Variants in DCC observed in about 807,000 individuals in gnomAD.
DCC encodes DCC netrin 1 receptor.
A neutral mutation model predicts 172.5 loss-of-function variants in DCC; 58 were observed. The observed-to-expected ratio is 0.34, with a 90% CI of 0.27 to 0.42. The LOEUF is 0.42. Ranked by LOEUF, DCC falls within the 10% of genes least tolerant of loss-of-function variation. The pLI, the probability that DCC is intolerant of heterozygous loss-of-function variation, is 1.00. For synonymous variants in DCC, 709 were observed against 644.5 expected (o/e 1.10, Z -1.52); for missense variants, 1,740 against 1,791.0 (o/e 0.97, Z 0.51).
At chr18:52,920,707 C>G (rs1023264538) in intron 3 of DCC, among the ~76,000 whole-genome samples, 1 of 152,066 alleles carries the variant, frequency 6.6e-6, no homozygotes, top group African/African-American at 2.4e-5. Flanking sequence ...AAATTTATGT[C>G]CTGATAAAAA....
chr18:53,025,954 T>C (rs1172988516), intron 5 of DCC, among the ~76,000 whole-genome samples: 1 of 151,994 alleles, frequency 6.6e-6, no homozygotes, highest in Non-Finnish European at 1.5e-5. Flanking sequence ...CTTTATACTG[T>C]TTATAGATTT....
At chr18:52,811,205 T>C (rs2038191536) in intron 2 of DCC, among the ~76,000 whole-genome samples, 1 of 152,208 alleles carries the variant, frequency 6.6e-6, no homozygotes. Context: ...ACTGGCAAAT[T>C]GTCATTATCG....
At chr18:52,655,751 C>A (rs1598991842) in intron 1 of DCC, among the ~76,000 whole-genome samples, 1 of 151,954 alleles carries the variant, frequency 6.6e-6, no homozygotes, top group Admixed American at 6.6e-5. Context: ...TAGATTCTAC[C>A]TTGGAGGAAA....
chr18:52,526,492 C>A (rs1420106175), intron 1 of DCC, among the ~76,000 whole-genome samples: 1 of 151,172 alleles, frequency 6.6e-6, no homozygotes, highest in Non-Finnish European at 1.5e-5. Flanking sequence ...TTTCTGAGGG[C>A]CACGAAATGG....
At chr18:52,579,542 G>T (rs1392119223) in intron 1 of DCC, among the ~76,000 whole-genome samples, 2 of 152,126 alleles carry the variant, frequency 1.3e-5, no homozygotes, top group East Asian at 3.9e-4. Context: ...GTGTATGTGT[G>T]TGTGTGTGCT....
chr18:52,678,718 A>G (rs934432373), intron 1 of DCC, among the ~76,000 whole-genome samples: 1 of 152,196 alleles, frequency 6.6e-6, no homozygotes, highest in African/African-American at 2.4e-5. Flanking sequence ...TAGTTCTTTA[A>G]GAATTCCATG....
chr18:52,578,362 A>G (rs958871555), intron 1 of DCC, among the ~76,000 whole-genome samples: 2 of 152,236 alleles, frequency 1.3e-5, no homozygotes, highest in Non-Finnish European at 2.9e-5. Flanking sequence ...CACATGTATC[A>G]CTGAGCAGAG....
chr18:52,665,928 T>C (rs962518885), intron 1 of DCC, among the ~76,000 whole-genome samples: 8 of 152,228 alleles, frequency 5.3e-5, no homozygotes, highest in African/African-American at 1.9e-4. Flanking sequence ...CCATCAATTT[T>C]AAAATGTCTC....
At chr18:52,662,657 G>A (rs1471145592) in intron 1 of DCC, among the ~76,000 whole-genome samples, 1 of 151,002 alleles carries the variant, frequency 6.6e-6, no homozygotes, top group African/African-American at 2.4e-5. Context: ...AACAAGGGAT[G>A]GAAGGAAGGA....
At chr18:53,175,848 A>G (rs2055084499) in intron 8 of DCC, among the ~76,000 whole-genome samples, 1 of 152,172 alleles carries the variant, frequency 6.6e-6, no homozygotes, top group Non-Finnish European at 1.5e-5. Flanking sequence ...ATATGGAACC[A>G]AAAAAGAGCC....
chr18:52,666,378 A>G (rs1490472115), intron 1 of DCC, among the ~76,000 whole-genome samples: 2 of 152,216 alleles, frequency 1.3e-5, no homozygotes, highest in South Asian at 2.1e-4. Flanking sequence ...AAAACCTACT[A>G]TGTACTTAAG....
chr18:53,148,596 G>A (rs2043950948), intron 7 of DCC, among the ~76,000 whole-genome samples: 1 of 152,146 alleles, frequency 6.6e-6, no homozygotes, highest in African/African-American at 2.4e-5. Context: ...CCTTGGAATA[G>A]TGACAGATGG....
At chr18:52,638,731 G>T (rs9952752) in intron 1 of DCC, among the ~76,000 whole-genome samples, 11 of 151,748 alleles carry the variant, frequency 7.2e-5, no homozygotes, top group African/African-American at 2.4e-4. Flanking sequence ...AGATAGAAAT[G>T]AGATAGACAG....
chr18:52,533,842 C>A (rs2032216805), intron 1 of DCC, among the ~76,000 whole-genome samples: 1 of 152,094 alleles, frequency 6.6e-6, no homozygotes, highest in African/African-American at 2.4e-5. Flanking sequence ...GTGGTTATAC[C>A]ATTTTACATT....
chr18:52,778,534 T>C (rs2037476205), intron 2 of DCC, among the ~76,000 whole-genome samples: 1 of 152,186 alleles, frequency 6.6e-6, no homozygotes, highest in South Asian at 2.1e-4. Flanking sequence ...TCATACTCAA[T>C]AGACCCTTTC....
chr18:52,625,337 A>G (rs2034553339), intron 1 of DCC, among the ~76,000 whole-genome samples: 1 of 152,138 alleles, frequency 6.6e-6, no homozygotes, highest in South Asian at 2.1e-4. Flanking sequence ...AAGAAGCATA[A>G]TGTAACCGCC....
chr18:52,702,781 A>G (rs933011860), intron 1 of DCC, among the ~76,000 whole-genome samples: 80 of 152,166 alleles, frequency 5.3e-4, no homozygotes, highest in Admixed American at 6.5e-4. Context: ...TCTAAGGTCT[A>G]TATCTGGCCT....
chr18:53,064,213 T>C (rs1354414032), intron 6 of DCC, among the ~76,000 whole-genome samples: 1 of 152,154 alleles, frequency 6.6e-6, no homozygotes, highest in Admixed American at 6.6e-5. Flanking sequence ...CTCAATACCT[T>C]CCATTATTGT....
At position 53,281,622 on chromosome 18, in the gene DCC, C is replaced by G. The variant is rs71368920; in HGVS notation, c.1912-23956C>G. Among the ~76,000 whole-genome samples the G allele has an allele frequency of 1.3e-3, 198 of 152,232 alleles. 1 individual carries two copies. Among genetic ancestry groups the G allele is most frequent in the South Asian group, 0.011 (55 of 4,814 alleles). On this transcript the variant is annotated intron_variant, in intron 12 of 28. Transcript: ENST00000442544. ...TATTCCTTTTTGATAAGTGCTGGAG[C>G]TGGCTGGGACTGGCTCATATGAGCC...
Sources: gnomAD v4.1 joint callset for allele counts (sites outside exome capture counted in the v4.1 genomes callset) on GRCh38, gnomAD v4.1.1 for gene constraint, MANE v1.5 for transcripts, NCBI Gene and HGNC (gene_info 2026-07-23, HGNC 2026-07-21) for gene names.